The following STX8 variants were observed in gnomAD, a reference collection of about 807,000 sequenced individuals.
STX8 encodes syntaxin 8, also known as syntaxin-8.
Under a neutral mutation model 37.5 loss-of-function variants are expected in STX8, and 23 were observed. The ratio of observed to expected loss-of-function variants is 0.61; its 90% CI spans 0.44 to 0.87. STX8 has a LOEUF of 0.87. STX8 is among the 40% of genes least tolerant of loss of function. The probability of loss-of-function intolerance (pLI) is 0.00; values close to 1 mark genes in which losing one functional copy is unlikely to be tolerated. For missense variants in STX8, 313 were observed against 284.7 expected (o/e 1.10, Z -0.71); for synonymous variants, 115 against 99.1 (o/e 1.16, Z -0.95).
Position 9,444,364 on chromosome 17 carries a change from T to C in STX8, c.541+47465A>G, listed in dbSNP as rs1026964054. Among the ~76,000 whole-genome samples the C allele has an allele frequency of 8.5e-5, 13 of 152,236 alleles. No homozygotes were observed. In the East Asian group the frequency reaches 9.6e-4, roughly 11 times the overall value. On this transcript the variant is annotated intron_variant, in intron 6 of 7. Coordinates refer to ENST00000306357, the MANE Select transcript of STX8 (RefSeq NM_004853.3). ...CTAGCCCTTGGTTTCTGGATTATCC[T>C]GCCCCTCTCTGCCCTAGTGAATCTT...
At chr17:9,527,821 T>C (rs1221202248) in intron 4 of STX8, among the ~76,000 whole-genome samples, 1 of 152,186 alleles carries the variant, frequency 6.6e-6, no homozygotes, top group Non-Finnish European at 1.5e-5. Flanking sequence ...GACATGGTGG[T>C]ACCTATTACA....
chr17:9,302,468 G>C (rs1378549185), intron 7 of STX8, among the ~76,000 whole-genome samples: 2 of 152,088 alleles, frequency 1.3e-5, no homozygotes, highest in Non-Finnish European at 2.9e-5. Flanking sequence ...GTATCCTTAA[G>C]TTACCTATTC....
intron 7 of STX8, among the ~76,000 whole-genome samples, chr17:9,335,204 G>T (rs1910097493): frequency 6.6e-6 from 1 of 152,126 alleles, no homozygotes; most frequent in Admixed American, 6.6e-5. Context: ...ACAGCAGCAG[G>T]GGTTACCTGC....
intron 7 of STX8, among the ~76,000 whole-genome samples, chr17:9,277,574 G>A (rs1006953718): frequency 1.1e-4 from 16 of 152,254 alleles, no homozygotes; most frequent in Middle Eastern, 3.4e-3. Flanking sequence ...GAATTGACAG[G>A]CTAATGGGGG....
chr17:9,528,511 T>C (rs913199784), intron 4 of STX8, among the ~76,000 whole-genome samples: 45 of 152,178 alleles, frequency 3.0e-4, no homozygotes, highest in Non-Finnish European at 5.7e-4. Context: ...GTAGAGACCA[T>C]GTTGTCCAGG....
intron 7 of STX8, among the ~76,000 whole-genome samples, chr17:9,296,057 G>T (rs1327026142): frequency 1.3e-5 from 2 of 152,186 alleles, no homozygotes; most frequent in African/African-American, 4.8e-5. Context: ...GGGGGCGGTG[G>T]CGGGTGCCTG....
At chr17:9,425,920 C>T (rs191511419) in intron 6 of STX8, among the ~76,000 whole-genome samples, 7 of 152,272 alleles carry the variant, frequency 4.6e-5, no homozygotes, top group South Asian at 2.1e-4. Flanking sequence ...CTCTCTTGCA[C>T]GCACGTATGC....
chr17:9,349,750 T>A (rs1222136786), intron 7 of STX8, among the ~76,000 whole-genome samples: 1 of 151,338 alleles, frequency 6.6e-6, no homozygotes, highest in East Asian at 1.9e-4. Flanking sequence ...TCTCTCTCTC[T>A]CAACAGATCT....
intron 7 of STX8, among the ~76,000 whole-genome samples, chr17:9,308,250 C>G (rs779000290): frequency 7.9e-5 from 12 of 152,184 alleles, no homozygotes; most frequent in Non-Finnish European, 1.3e-4. Flanking sequence ...TGTGACATTC[C>G]TTCCTCCCGG....
chr17:9,260,430 C>A (rs971670434), intron 7 of STX8, among the ~76,000 whole-genome samples: 7 of 152,168 alleles, frequency 4.6e-5, no homozygotes, highest in Non-Finnish European at 1.0e-4. Context: ...TTGAGACCAG[C>A]CGGGCCAACA....
chr17:9,338,885 CA>C (rs1263237132), intron 7 of STX8, among the ~76,000 whole-genome samples: 5 of 151,146 alleles, frequency 3.3e-5, no homozygotes, highest in East Asian at 2.0e-4. Flanking sequence ...TCCTGGCTAA[CA>C]CAGTGAAACC....
At chr17:9,257,744 T>G (rs1906853790) in intron 7 of STX8, among the ~76,000 whole-genome samples, 1 of 152,198 alleles carries the variant, frequency 6.6e-6, no homozygotes, top group African/African-American at 2.4e-5. Flanking sequence ...CCCCAGCACT[T>G]TGGGAGGCCA....
intron 7 of STX8, among the ~76,000 whole-genome samples, chr17:9,376,807 C>A (rs150247233): frequency 3.3e-5 from 5 of 152,150 alleles, no homozygotes; most frequent in African/African-American, 1.2e-4. Flanking sequence ...ACATTCACTG[C>A]GAGGGTCCAC....
At chr17:9,305,023 G>A (rs1317122877) in intron 7 of STX8, among the ~76,000 whole-genome samples, 5 of 151,810 alleles carry the variant, frequency 3.3e-5, no homozygotes, top group Middle Eastern at 3.4e-3. Context: ...ATACAGTGAG[G>A]ACTCACAGAA....
At position 9,429,826 on chromosome 17, in the gene STX8, T is replaced by TAACA. The variant is rs1225562836; in HGVS notation, c.542-51174_542-51173insTGTT. On this transcript the variant is annotated intron_variant, in intron 6 of 7. Coordinates refer to ENST00000306357, the MANE Select transcript of STX8 (RefSeq NM_004853.3). The stretch of plus-strand genomic sequence containing the variant: ...ACATATATATTTTATATATTATATA[T>TAACA]TATATATATTATATATAATATATAA... Among the ~76,000 whole-genome samples the TAACA allele has an allele frequency of 2.4e-4, 2 of 8,352 alleles. 1 individual carries two copies. The highest frequency in any genetic ancestry group is 3.6e-4 in the Non-Finnish European group (2 of 5,522). 5.5% of individuals were successfully genotyped at this position (8,352 alleles called of 152,430 possible). A position where few individuals can be genotyped will look rare whatever the true frequency, so the allele number is the denominator to read the frequency against.
At chr17:9,285,271 G>T (rs1263331251) in intron 7 of STX8, among the ~76,000 whole-genome samples, 1 of 152,082 alleles carries the variant, frequency 6.6e-6, no homozygotes, top group Non-Finnish European at 1.5e-5. Flanking sequence ...TCAGGAATCT[G>T]CATTTCTAAC....
At chr17:9,373,125 A>G (rs1911467548) in intron 7 of STX8, among the ~76,000 whole-genome samples, 1 of 151,334 alleles carries the variant, frequency 6.6e-6, no homozygotes, top group Non-Finnish European at 1.5e-5. Context: ...AAAAAAGAAA[A>G]GAAAAGAAAA....
intron 6 of STX8, among the ~76,000 whole-genome samples, chr17:9,451,494 C>T (rs1344395947): frequency 1.3e-5 from 2 of 152,124 alleles, no homozygotes; most frequent in African/African-American, 2.4e-5. Flanking sequence ...GCTATGACCC[C>T]TGCTAGGGTT....
At chr17:9,461,524 G>A (rs1462001271) in intron 6 of STX8, among the ~76,000 whole-genome samples, 1 of 152,122 alleles carries the variant, frequency 6.6e-6, no homozygotes, top group Non-Finnish European at 1.5e-5. Flanking sequence ...TGGATTCACA[G>A]TAAGCCCAAA....
Sources: allele counts gnomAD v4.1 joint callset (sites outside exome capture counted in the v4.1 genomes callset), GRCh38; gene constraint gnomAD v4.1.1; transcripts MANE v1.5; gene names NCBI Gene and HGNC (gene_info 2026-07-23, HGNC 2026-07-21).